TIMP4: variants seen among roughly 807,000 people sequenced by gnomAD.
The protein encoded by TIMP4 is TIMP metallopeptidase inhibitor 4, also known as metalloproteinase inhibitor 4.
In TIMP4, 28 loss-of-function variants were observed where a neutral mutation model predicts 27.3. The ratio of observed to expected loss-of-function variants is 1.03; its 90% confidence interval spans 0.76 to 1.41. TIMP4 has a LOEUF of 1.41. Ranked by LOEUF, TIMP4 falls within the 40% of genes most tolerant of loss-of-function variation. TIMP4 has a pLI of 0.00. For synonymous variants in TIMP4, 138 were observed against 115.5 expected (o/e 1.20, Z -1.25); for missense variants, 307 against 285.5 (o/e 1.08, Z -0.54).
Position 12,158,604 on chromosome 3 carries a change from GCTC to G in TIMP4, c.139+95_139+97del. ...CAAGAGACAACCGGTAAGAATTTGAGCTCCTCCCTTTTCCTCTGGACTCCTGGT... is the reference window on the plus strand; with the variant it reads ...CAAGAGACAACCGGTAAGAATTTGAGCTCCCTTTTCCTCTGGACTCCTGGT... On this transcript the variant is annotated intron_variant, in intron 1 of 4. Coordinates refer to ENST00000287814, the MANE Select transcript of TIMP4 (RefSeq NM_003256.4). The G allele has an allele frequency of 2.0e-6, 3 of 1,520,884 alleles. No individual in the cohort carries two copies. In the South Asian group the frequency reaches 3.6e-5, roughly 18 times the overall value. 94.2% of individuals were successfully genotyped at this position (1,520,884 alleles called of 1,614,324 possible). A position where few individuals can be genotyped will look rare whatever the true frequency, so the allele number is the denominator to read the frequency against.
intron 3 of TIMP4, among the ~76,000 whole-genome samples, chr3:12,155,990 C>A (rs113912171): frequency 0.014 from 2,072 of 152,292 alleles, 44 homozygotes; most frequent in African/African-American, 0.048. Context: ...ATTGTAGCCT[C>A]CAGTGCCTAT....
At chr3:12,154,492 T>A in intron 3 of TIMP4, 41 bp from the exon 4 acceptor site, 2 of 1,607,648 alleles carry the variant, frequency 1.2e-6, no homozygotes, top group Non-Finnish European at 1.7e-6. Flanking sequence ...TCAGGATTCT[T>A]CTCCTGGAGC....
At chr3:12,156,024 A>G (rs988648809) in intron 3 of TIMP4, among the ~76,000 whole-genome samples, 5 of 152,200 alleles carry the variant, frequency 3.3e-5, no homozygotes, top group African/African-American at 9.7e-5. Flanking sequence ...CCATGTCTGG[A>G]CAGTGAACTC....
At chr3:12,155,843 A>G (rs1326939834) in intron 3 of TIMP4, among the ~76,000 whole-genome samples, 2 of 152,090 alleles carry the variant, frequency 1.3e-5, no homozygotes, top group Admixed American at 1.3e-4. Flanking sequence ...GAGGTGCGAT[A>G]ATAGAGTTTG....
In TIMP4 at chr3:12,153,313, T is replaced by G. The variant is rs1207702049; in HGVS notation, c.*202A>C. On this transcript the variant is annotated 3_prime_UTR_variant, in exon 5 of 5. Coordinates refer to ENST00000287814, the MANE Select transcript of TIMP4 (RefSeq NM_003256.4). ...GCTACAAGGCTAGACTAATGGGGTT[T>G]GGGAGGCAGGGGCAACAGGCTGAGG... is the stretch of plus-strand genomic sequence containing the variant. 13 of 618,250 alleles carry G rather than the reference T, an allele frequency of 2.1e-5. No individual in the cohort carries two copies. The African/African-American group carries it at 2.2e-4, about 10-fold the overall frequency. 38.3% of individuals were successfully genotyped at this position (618,250 alleles called of 1,614,324 possible).
rs145556365 is a variant in TIMP4 at position 12,154,402 on chromosome 3, G to A, written c.402C>T (p.Ile134=). The A allele has an allele frequency of 1.5e-5, 25 of 1,614,184 alleles. No homozygotes were observed. The African/African-American group carries it at 2.3e-4, about 15-fold the overall frequency. Residue 134 remains isoleucine, a synonymous_variant, in exon 4 of 5, where the codon ATC becomes ATT. Transcript: ENST00000287814. ...GKVFIHLCNY[I]EPWEDLSLVQ... ...CCAAGGACAGGTCCTCCCAGGGCTCGATGTAGTTGCACAGATGGATGAAGA... is the reference window on the plus strand; with the variant it reads ...CCAAGGACAGGTCCTCCCAGGGCTCAATGTAGTTGCACAGATGGATGAAGA...
intron 3 of TIMP4, among the ~76,000 whole-genome samples, 156 bp downstream of exon 3, chr3:12,156,664 C>G (rs763045062): frequency 1.4e-4 from 22 of 152,194 alleles, no homozygotes; most frequent in Non-Finnish European, 2.1e-4. Context: ...CCTCCTAACC[C>G]AGAGGTTGTC....
At chr3:12,157,092 TAAAAC>T (rs56233336) in intron 2 of TIMP4, among the ~76,000 whole-genome samples, 158 bp from the exon 3 acceptor site, 13,768 of 152,100 alleles carry the variant, frequency 0.091, 692 homozygotes, top group African/African-American at 0.13. Context: ...TTTTCTCTCT[TAAAAC>T]AAAACAACAA....
Position 12,154,311 on chromosome 3 carries a change from A to G in TIMP4, c.477+16T>C. 4 of 1,614,188 alleles carry G rather than the reference A, an allele frequency of 2.5e-6. No individual in the cohort carries two copies. The highest frequency in any genetic ancestry group is 2.2e-5 in the East Asian group (1 of 44,886). ...TCCCCCATCCCTAAAGACTTTGGAAATGGACATTCCCTTACTTGGCAGCCA... is the reference window on the plus strand; with the variant it reads ...TCCCCCATCCCTAAAGACTTTGGAAGTGGACATTCCCTTACTTGGCAGCCA... On this transcript the variant is annotated intron_variant, in intron 4 of 4. Transcript: ENST00000287814.
chr3:12,156,691 CT>C, intron 3 of TIMP4, 128 bp downstream of exon 3: 2 of 659,406 alleles, frequency 3.0e-6, no homozygotes, highest in Admixed American at 2.8e-5. Context: ...TAACACAGCT[CT>C]GTTTTATGCC....
Position 12,154,419 on chromosome 3 carries a change from G to A in TIMP4, c.385C>T (p.His129Tyr). Residue 129 changes from histidine (H) to tyrosine (Y), a missense_variant, in exon 4 of 5, where the codon CAT becomes TAT. By Grantham distance (83) the His-to-Tyr change is moderately conservative. Coordinates refer to ENST00000287814, the MANE Select transcript of TIMP4 (RefSeq NM_003256.4). ...QVLSDGKVFI[H>Y]LCNYIEPWED... Reference sequence around the variant, plus strand: ...CAGGGCTCGATGTAGTTGCACAGATGGATGAAGACTTTTCCATCACTGAGG... The same window carrying A: ...CAGGGCTCGATGTAGTTGCACAGATAGATGAAGACTTTTCCATCACTGAGG... 1 of 1,614,134 alleles carries A rather than the reference G, an allele frequency of 6.2e-7. No individual in the cohort carries two copies. Among genetic ancestry groups the A allele is most frequent in the Non-Finnish European group, 8.5e-7 (1 of 1,180,014 alleles).
chr3:12,154,710 T>C (rs1441944498), intron 3 of TIMP4, among the ~76,000 whole-genome samples: 2 of 152,236 alleles, frequency 1.3e-5, no homozygotes, highest in Non-Finnish European at 2.9e-5. Context: ...GAGAGAAGAA[T>C]GTGGTCTTTA....
chr3:12,158,612 C>A, intron 1 of TIMP4, 90 bp downstream of exon 1: 4 of 1,548,906 alleles, frequency 2.6e-6, no homozygotes, highest in Non-Finnish European at 2.6e-6. Context: ...GAGCTCCTCC[C>A]TTTTCCTCTG....
rs754914676 is a variant in TIMP4 at position 12,157,429 on chromosome 3, C to G, written c.193G>C (p.Ala65Pro). Residue 65 changes from alanine (A) to proline (P), a missense_variant, in exon 2 of 5, where the codon GCT becomes CCT. By Grantham distance (27) the Ala-to-Pro change is conservative. Transcript: ENST00000287814. Reference protein sequence around the residue: ...EKVVPASADPADTEKMLRYEI... With the variant: ...EKVVPASADPPDTEKMLRYEI... ...TACCGGAGCATTTTTTCAGTGTCAG[C>G]AGGGTCTGCACTGGCCGGAACTACC... The G allele has an allele frequency of 1.3e-5, 21 of 1,614,162 alleles. No homozygotes were observed. The highest frequency in any genetic ancestry group is 1.8e-5 in the Non-Finnish European group (21 of 1,180,024).
At chr3:12,153,825 T>G in intron 4 of TIMP4, 113 bp from the exon 5 acceptor site, 3 of 1,159,798 alleles carry the variant, frequency 2.6e-6, no homozygotes, top group Non-Finnish European at 3.7e-6. Context: ...CCCTATCTTA[T>G]CAAGCCTTTC....
Position 12,157,434 on chromosome 3 carries a change from T to C in TIMP4, c.188A>G (p.Asp63Gly). The C allele has an allele frequency of 6.2e-7, 1 of 1,614,168 alleles. No individual in the cohort carries two copies. The highest frequency in any genetic ancestry group is 8.5e-7 in the Non-Finnish European group (1 of 1,180,038). Residue 63 changes from aspartate (D) to glycine (G), a missense_variant, in exon 2 of 5, where the codon GAC becomes GGC. Coordinates refer to ENST00000287814, the MANE Select transcript of TIMP4 (RefSeq NM_003256.4). ...GAGCATTTTTTCAGTGTCAGCAGGG[T>C]CTGCACTGGCCGGAACTACCTTCTC... ...SSEKVVPASA[D>G]PADTEKMLRY... is the part of the protein sequence containing the mutation.
In TIMP4 at chr3:12,158,707, G is replaced by A; in HGVS notation, c.134C>T (p.Ala45Val). 1.2e-6 allele frequency: 2 copies of A among 1,610,326 alleles called. No individual in the cohort carries two copies. The highest frequency in any genetic ancestry group is 1.7e-6 in the Non-Finnish European group (2 of 1,179,702). Reference protein sequence around the residue: ...AHPQQHICHSALVIRAKISSE... With the variant: ...AHPQQHICHSVLVIRAKISSE... ...CTCGCGGACCTCGGACTCACCAAGT[G>A]CCGAGTGGCAGATGTGCTGCTGAGG... is the stretch of plus-strand genomic sequence containing the variant. The change falls in exon 1 of 5, where the codon GCA becomes GTA. Residue 45 changes from alanine (A) to valine (V), a missense_variant. By Grantham distance (64) the Ala-to-Val change is moderately conservative. Transcript: ENST00000287814.
intron 3 of TIMP4, among the ~76,000 whole-genome samples, chr3:12,154,962 A>G (rs1697413469): frequency 6.9e-6 from 1 of 145,166 alleles, no homozygotes; most frequent in Non-Finnish European, 1.5e-5. Flanking sequence ...CCTGCTCTAG[A>G]TTGGTGAGTC....
intron 4 of TIMP4, 106 bp from the exon 5 acceptor site, chr3:12,153,818 T>C: frequency 8.1e-7 from 1 of 1,236,542 alleles, no homozygotes; most frequent in Non-Finnish European, 1.2e-6. Flanking sequence ...AAATGCCCCC[T>C]ATCTTATCAA....
Sources: gnomAD v4.1 joint callset for allele counts (sites outside exome capture counted in the v4.1 genomes callset) on GRCh38, gnomAD v4.1.1 for gene constraint, MANE v1.5 for transcripts, NCBI Gene and HGNC (gene_info 2026-07-23, HGNC 2026-07-21) for gene names.